FOXM1: variants seen among roughly 807,000 people sequenced by gnomAD.
The protein encoded by FOXM1 is forkhead box M1, also known as forkhead box protein M1.
In FOXM1, 25 loss-of-function variants were observed where a neutral mutation model predicts 63.6. The observed-to-expected ratio is 0.39, with a 90% CI of 0.29 to 0.55. The LOEUF is 0.55. Among genes scored for constraint, FOXM1 ranks in the 20% least tolerant of loss-of-function variants. The pLI is 0.60. For synonymous variants in FOXM1, 387 were observed against 376.9 expected (o/e 1.03, Z -0.31); for missense variants, 879 against 958.7 (o/e 0.92, Z 1.10).
Position 2,872,321 on chromosome 12 carries a change from G to A in FOXM1, c.503-74C>T, listed in dbSNP as rs1449139307. The A allele has an allele frequency of 2.6e-6, 4 of 1,542,128 alleles. No homozygotes were observed. In the African/African-American group the frequency reaches 5.5e-5, roughly 21 times the overall value. ...CCAGGTGTGTCCATCAGAATTGGTG[G>A]CTAGCAGGCCGGGTGCAGTGGCTCA... On this transcript the variant is annotated intron_variant, in intron 2 of 8. Coordinates refer to ENST00000359843, the MANE Select transcript of FOXM1 (RefSeq NM_021953.4). The surrounding 1 kb of genome is among the most constrained non-coding windows in gnomAD (Gnocchi z 4.0).
intron 5 of FOXM1, among the ~76,000 whole-genome samples, chr12:2,865,751 C>T (rs999508703): frequency 2.1e-5 from 3 of 143,998 alleles, no homozygotes; most frequent in African/African-American, 7.6e-5. Context: ...CTCCTGGGTT[C>T]AAGGGATTCT....
rs749814710 is a variant in FOXM1, at chr12:2,858,911, C to T, written c.2019G>A (p.Pro673=). 1.6e-5 allele frequency: 26 copies of T among 1,613,588 alleles called. No homozygotes were observed. Among genetic ancestry groups the T allele is most frequent in the East Asian group, 4.5e-5 (2 of 44,860 alleles). Residue 673 remains proline (P), a synonymous_variant, in exon 9 of 9, where the codon CCG becomes CCA. Coordinates refer to ENST00000359843, the MANE Select transcript of FOXM1 (RefSeq NM_021953.4). ...AGGGTTCTGAACTGAGGAGCCTTTG[C>T]GGTGATTCAAGGGGGGGAGCACTTT... ...PLQSAPPLES[P]QRLLSSEPLD...
chr12:2,859,024 C>A lies in FOXM1; in HGVS notation c.1906G>T (p.Asp636Tyr). 1.2e-6 allele frequency: 2 copies of A among 1,611,444 alleles called. No individual in the cohort carries two copies. Among genetic ancestry groups the A allele is most frequent in the Non-Finnish European group, 8.5e-7 (1 of 1,178,732 alleles). ...LTPPAKVGGL[D>Y]FSPVQTSQGA... is the part of the protein sequence containing the mutation. ...TGGGAGGTTTGTACTGGGCTGAAAT[C>A]CAGTCCCCCTACTTTGGCTGGGGGC... Residue 636 changes from aspartate to tyrosine, a missense_variant, in exon 9 of 9, where the codon GAT (aspartate) becomes TAT (tyrosine). By Grantham distance (160) the Asp-to-Tyr change is radical. Around this residue, in one of 4 missense-constraint regions of FOXM1, gnomAD observed 486 missense variants for 453.5 expected, o/e 1.07. Coordinates refer to ENST00000359843, the MANE Select transcript of FOXM1 (RefSeq NM_021953.4).
At chr12:2,860,662 CAGAA>C (rs1347895443) in intron 8 of FOXM1, among the ~76,000 whole-genome samples, 1 of 151,152 alleles carries the variant, frequency 6.6e-6, no homozygotes, top group African/African-American at 2.4e-5. Context: ...CACCTGAGGT[CAGAA>C]GTTCGAGACC....
chr12:2,868,516 T>C (rs2153937470), intron 4 of FOXM1, 47 bp downstream of exon 4: 1 of 1,480,074 alleles, frequency 6.8e-7, no homozygotes, highest in East Asian at 2.3e-5. Flanking sequence ...CTGGAGAGAC[T>C]GTCAGGCTGG....
Position 2,864,886 on chromosome 12 carries a change from TGAGGGGATGGACGTAGGC to T in FOXM1, c.1021-152_1021-135del. On this transcript the variant is annotated intron_variant, in intron 6 of 8. Coordinates refer to ENST00000359843, the MANE Select transcript of FOXM1 (RefSeq NM_021953.4). The surrounding 1 kb of genome is among the most constrained non-coding windows in gnomAD (Gnocchi z 5.1). The stretch of plus-strand genomic sequence containing the variant: ...ACAGCCCAGAGAGAGGAGGCCAACC[TGAGGGGATGGACGTAGGC>T]GAGCAGTCTCCAAAACTGTGATGAG... 1.1e-6 allele frequency: 1 copy of T among 934,524 alleles called. No individual in the cohort carries two copies. Among genetic ancestry groups the T allele is most frequent in the South Asian group, 1.3e-5 (1 of 74,180 alleles). The allele number at this position is 934,524 out of a possible 1,614,324, so 57.9% of individuals were successfully genotyped here.
At chr12:2,865,325 A>G (rs374781704) in intron 6 of FOXM1, 30 bp downstream of exon 6, 84 of 1,595,822 alleles carry the variant, frequency 5.3e-5, no homozygotes, top group Non-Finnish European at 7.2e-5. Flanking sequence ...AAACAAGGCC[A>G]AGCCCCGAGC....
In FOXM1 at chr12:2,859,116, G is replaced by A. The variant is rs199632659; in HGVS notation, c.1814C>T (p.Thr605Met). The A allele has an allele frequency of 1.0e-4, 162 of 1,605,794 alleles. 2 individuals carry two copies. Among genetic ancestry groups the A allele is most frequent in the African/African-American group, 8.7e-4 (65 of 74,862 alleles). ...GCTCGGGGTGGAGGAGATGGGCAGC[G>A]TTTCCTTAATGGGTGTCTTAAAAGG... ...GGPFKTPIKE[T>M]LPISSTPSKS... The change falls in exon 9 of 9, where the codon ACG (threonine) becomes ATG (methionine). Residue 605 changes from threonine to methionine, a missense_variant. Coordinates refer to ENST00000359843, the MANE Select transcript of FOXM1 (RefSeq NM_021953.4).
At chr12:2,862,450 A>G (rs564026594) in intron 8 of FOXM1, among the ~76,000 whole-genome samples, 67 of 152,320 alleles carry the variant, frequency 4.4e-4, no homozygotes, top group African/African-American at 1.5e-3. Context: ...AACAGGGCAC[A>G]TGCTACGGCC....
chr12:2,864,493 G>A lies in FOXM1; in HGVS notation c.1093C>T (p.Arg365Trp), dbSNP rs896203050. ...CGTGGTAGCAGTGGCTTCATCTTCC[G>A]CCCTAGGAGGAAACACGAGAGATCA... ...IKTELPLGAR[R>W]KMKPLLPRVS... Residue 365 changes from arginine (R) to tryptophan (W), a missense_variant and splice_region_variant, in exon 8 of 9, where the codon CGG (arginine) becomes TGG (tryptophan). Physicochemically the swap from Arg to Trp is moderately radical, Grantham distance 101 (BLOSUM62 -3). Around this residue, in one of 4 missense-constraint regions of FOXM1, gnomAD observed 76 missense variants for 94.5 expected, o/e 0.80. Transcript: ENST00000359843. This position sits in a 1 kb window ranked among gnomAD's most constrained non-coding sequence, Gnocchi z 5.1. 6.8e-6 allele frequency: 11 copies of A among 1,610,036 alleles called. No individual in the cohort carries two copies. Among genetic ancestry groups the A allele is most frequent in the South Asian group, 2.2e-5 (2 of 90,966 alleles).
chr12:2,865,373 C>A lies in FOXM1; in HGVS notation c.1002G>T (p.Leu334Phe), dbSNP rs768867271. 6.2e-7 allele frequency: 1 copy of A among 1,610,458 alleles called. No homozygotes were observed. The highest frequency in any genetic ancestry group is 1.1e-5 in the South Asian group (1 of 90,572). The change falls in exon 6 of 9, where the codon TTG (leucine) becomes TTT (phenylalanine). Residue 334 changes from leucine (L) to phenylalanine (F), a missense_variant. Leu to Phe is a conservative substitution (Grantham distance 22). This residue lies in a region of FOXM1 where 76 missense variants were observed against 94.5 expected (regional missense o/e 0.80). Coordinates refer to ENST00000359843, the MANE Select transcript of FOXM1 (RefSeq NM_021953.4). Reference protein sequence around the residue: ...FKPLDPGSPQLPEHLESQQKR... With the variant: ...FKPLDPGSPQFPEHLESQQKR... ...ACCTTACTGATTCCAAGTGCTCGGG[C>A]AATTGTGGAGACCCTGGGTCCAGTG...
At position 2,868,617 on chromosome 12, in the gene FOXM1, C is replaced by T. The variant is rs928538778; in HGVS notation, c.792G>A (p.Thr264=). The T allele has an allele frequency of 2.5e-6, 4 of 1,613,738 alleles. No homozygotes were observed. Among genetic ancestry groups the T allele is most frequent in the African/African-American group, 1.3e-5 (1 of 74,892 alleles). The change falls in exon 4 of 9, where the codon ACG becomes ACA. Residue 264 remains threonine, a synonymous_variant. Transcript: ENST00000359843. ...RKRMTLKDIY[T]WIEDHFPYFK... ...AGTAGGGAAAGTGGTCCTCAATCCA[C>T]GTATAGATGTCTTTCAAAGTCATGC...
intron 8 of FOXM1, 23 bp from the exon 9 acceptor site, chr12:2,859,686 G>A (rs1365107315): frequency 6.4e-7 from 1 of 1,571,120 alleles, no homozygotes; most frequent in East Asian, 2.2e-5. Flanking sequence ...CAGAGATAAG[G>A]TGAACCAACG....
In FOXM1 at chr12:2,859,751, T is replaced by C. The variant is rs2098106129; in HGVS notation, c.1267-88A>G. On this transcript the variant is annotated intron_variant, in intron 8 of 8. Transcript: ENST00000359843. The stretch of plus-strand genomic sequence containing the variant: ...CATACGGGTTCTGATCCTCTTTGTG[T>C]CGTTTTGAAGTCTTAAAATCTATTA... 3 of 1,000,938 alleles carry C rather than the reference T, an allele frequency of 3.0e-6. No individual in the cohort carries two copies. The East Asian group carries it at 7.8e-5, about 26-fold the overall frequency. 62.0% of individuals were successfully genotyped at this position (1,000,938 alleles called of 1,614,324 possible). A position where few individuals can be genotyped will look rare whatever the true frequency, so the allele number is the denominator to read the frequency against.
Position 2,859,586 on chromosome 12 carries a change from T to G in FOXM1, c.1344A>C (p.Glu448Asp). Residue 448 changes from glutamate (E) to aspartate (D), a missense_variant, in exon 9 of 9, where the codon GAA (glutamate) becomes GAC (aspartate). Around this residue, in one of 4 missense-constraint regions of FOXM1, gnomAD observed 486 missense variants for 453.5 expected, o/e 1.07. Coordinates refer to ENST00000359843, the MANE Select transcript of FOXM1 (RefSeq NM_021953.4). Reference sequence around the variant, plus strand: ...GAACTGGAAGCAAAGGAGAAAACCCTTCTCCAAACAGGAGTTTCTCCTCTT... The same window carrying G: ...GAACTGGAAGCAAAGGAGAAAACCCGTCTCCAAACAGGAGTTTCTCCTCTT... ...PGKEEKLLFG[E>D]GFSPLLPVQT... The G allele has an allele frequency of 6.2e-7, 1 of 1,613,852 alleles. No homozygotes were observed. The highest frequency in any genetic ancestry group is 8.5e-7 in the Non-Finnish European group (1 of 1,179,934).
chr12:2,866,600 G>A, intron 4 of FOXM1, 79 bp from the exon 5 acceptor site: 1 of 1,405,822 alleles, frequency 7.1e-7, no homozygotes, highest in South Asian at 1.6e-5. Flanking sequence ...GGGGAAACCA[G>A]CCTCAGGCCC....
At position 2,859,266 on chromosome 12, in the gene FOXM1, A is replaced by T; in HGVS notation, c.1664T>A (p.Val555Glu). ...TGAGAAGAGCAGCTCCGGCTCATCC[A>T]CACAGGGAGGCAGTAGATGCTGTTT... ...RRKQHLLPPC[V>E]DEPELLFSEG... The change falls in exon 9 of 9, where the codon GTG (valine) becomes GAG (glutamate). Residue 555 changes from valine (V) to glutamate (E), a missense_variant. By Grantham distance (121) the Val-to-Glu change is moderately radical (BLOSUM62 -2). Coordinates refer to ENST00000359843, the MANE Select transcript of FOXM1 (RefSeq NM_021953.4). 1 of 1,613,746 alleles carries T rather than the reference A, an allele frequency of 6.2e-7. No homozygotes were observed. Among genetic ancestry groups the T allele is most frequent in the South Asian group, 1.1e-5 (1 of 91,078 alleles).
intron 4 of FOXM1, among the ~76,000 whole-genome samples, 162 bp from the exon 5 acceptor site, chr12:2,866,683 A>G (rs1157908853): frequency 6.6e-6 from 1 of 152,192 alleles, no homozygotes. Context: ...GACACTCCAC[A>G]CCGCAGAGCC....
intron 4 of FOXM1, among the ~76,000 whole-genome samples, chr12:2,867,849 A>T (rs1332772028): frequency 7.1e-6 from 1 of 141,616 alleles, no homozygotes; most frequent in Non-Finnish European, 1.5e-5. Context: ...GTGGTGGCGC[A>T]TGCCTGTAGT....
Sources: gnomAD v4.1 joint callset for allele counts (sites outside exome capture counted in the v4.1 genomes callset) on GRCh38, gnomAD v4.1.1 for gene constraint, gnomAD v4.1.1 regional missense constraint, Gnocchi (gnomAD v3.1) non-coding constraint, MANE v1.5 for transcripts, NCBI Gene and HGNC (gene_info 2026-07-23, HGNC 2026-07-21) for gene names.